PHF3: variants seen among roughly 807,000 people sequenced by gnomAD.
PHF3 encodes PHD finger protein 3.
In PHF3, 41 loss-of-function variants were observed where a neutral mutation model predicts 178.4. That is an observed-to-expected ratio of 0.23 (90% CI 0.18 to 0.30). The LOEUF is 0.30. Ranked by LOEUF, PHF3 falls within the 10% of genes least tolerant of loss-of-function variation. The pLI is 1.00. For missense variants in PHF3, 2,346 were observed against 2,398.1 expected (o/e 0.98, Z 0.45); for synonymous variants, 842 against 800.5 (o/e 1.05, Z -0.88).
rs1768277356 is a variant in PHF3 at position 63,719,117 on chromosome 6, A to G, written c.*5409A>G. Among the ~76,000 whole-genome samples, 1 of 152,060 alleles carries G rather than the reference A, an allele frequency of 6.6e-6. No homozygotes were observed. The highest frequency in any genetic ancestry group is 6.6e-5 in the Admixed American group (1 of 15,222). On this transcript the variant is annotated 3_prime_UTR_variant, in exon 16 of 16. Transcript: ENST00000262043. ...ACTTCCTAGTATTAATATGAACTGT[A>G]TGTTTGGAAACATTTGTGCCCTGTC...
intron 10 of PHF3, among the ~76,000 whole-genome samples, chr6:63,702,944 C>A (rs1767536887): frequency 6.6e-6 from 1 of 152,166 alleles, no homozygotes; most frequent in Non-Finnish European, 1.5e-5. Context: ...GTGGAGCAAT[C>A]TCGGCTCACT....
intron 1 of PHF3, among the ~76,000 whole-genome samples, chr6:63,639,095 G>T (rs1195418097): frequency 6.6e-6 from 1 of 152,090 alleles, no homozygotes; most frequent in Non-Finnish European, 1.5e-5. Context: ...GACAATTATT[G>T]TCCTGCATAA....
rs150826436 is a variant in PHF3, at chr6:63,672,630, G to A, written c.245-7370G>A. Among the ~76,000 whole-genome samples, 12 of 152,280 alleles carry A rather than the reference G, an allele frequency of 7.9e-5. No individual in the cohort carries two copies. The East Asian group carries it at 1.7e-3, about 22-fold the overall frequency. ...GCTCTGTTTTCCACAGGTATGGTTTGTGGTTACATGATAGGATATCTACTG... is the reference window on the plus strand; with the variant it reads ...GCTCTGTTTTCCACAGGTATGGTTTATGGTTACATGATAGGATATCTACTG... On this transcript the variant is annotated intron_variant, in intron 2 of 15. Transcript: ENST00000262043.
chr6:63,658,146 T>C (rs573310598), intron 2 of PHF3, among the ~76,000 whole-genome samples: 4 of 152,222 alleles, frequency 2.6e-5, no homozygotes, highest in Non-Finnish European at 5.9e-5. Context: ...TCCTTATGTC[T>C]AGCCCAGCTC....
At chr6:63,651,526 T>A (rs1765019549) in intron 2 of PHF3, among the ~76,000 whole-genome samples, 1 of 152,110 alleles carries the variant, frequency 6.6e-6, no homozygotes, top group African/African-American at 2.4e-5. Context: ...CATGCCCAGC[T>A]AGTTTTTGTA....
intron 2 of PHF3, among the ~76,000 whole-genome samples, chr6:63,656,709 C>A (rs1041463585): frequency 6.6e-6 from 1 of 152,114 alleles, no homozygotes; most frequent in East Asian, 1.9e-4. Flanking sequence ...TATTTTTTAT[C>A]TATACCCTCT....
intron 11 of PHF3, 66 bp from the exon 12 acceptor site, chr6:63,705,963 G>A: frequency 7.9e-7 from 1 of 1,270,694 alleles, no homozygotes; most frequent in Non-Finnish European, 1.1e-6. Flanking sequence ...TTTAGAAAGT[G>A]AAAATGGGTT....
At chr6:63,704,684 C>A (rs942756771) in intron 11 of PHF3, among the ~76,000 whole-genome samples, 1 of 151,850 alleles carries the variant, frequency 6.6e-6, no homozygotes, top group Non-Finnish European at 1.5e-5. Flanking sequence ...TTGGCAATTA[C>A]GAATAAAACT....
Position 63,720,998 on chromosome 6 carries a change from A to G in PHF3, c.*7290A>G. 6.4e-7 allele frequency: 1 copy of G among 1,551,304 alleles called. No homozygotes were observed. Among genetic ancestry groups the G allele is most frequent in the Non-Finnish European group, 8.7e-7 (1 of 1,146,756 alleles). ...TTTTCAAGGTCTGATTATGGAGACC[A>G]ATTGCCAGAAAATCATTTTCTTCAT... On this transcript the variant is annotated 3_prime_UTR_variant, in exon 16 of 16. Coordinates refer to ENST00000262043, the MANE Select transcript of PHF3 (RefSeq NM_001370348.2).
chr6:63,709,142 TAACC>T lies in PHF3; in HGVS notation c.3712-7_3712-4del. ...TATATTGATCTCTTTTTTTTTTTTT[TAACC>T]ATAGGACCTACCAGATAGTATTCAA... is the stretch of plus-strand genomic sequence containing the variant. On this transcript the variant is annotated splice_region_variant and splice_polypyrimidine_tract_variant and intron_variant, in intron 13 of 15. Transcript: ENST00000262043. The T allele has an allele frequency of 7.0e-7, 1 of 1,433,358 alleles. No individual in the cohort carries two copies. The highest frequency in any genetic ancestry group is 9.5e-7 in the Non-Finnish European group (1 of 1,052,026). 88.8% of individuals were successfully genotyped at this position (1,433,358 alleles called of 1,614,324 possible).
chr6:63,700,308 A>G (rs1410761616), intron 8 of PHF3, 42 bp from the exon 9 acceptor site: 2 of 919,420 alleles, frequency 2.2e-6, no homozygotes, highest in Non-Finnish European at 1.7e-6. Context: ...GCCACTCAAA[A>G]TGTTTGTCTC....
intron 2 of PHF3, among the ~76,000 whole-genome samples, chr6:63,654,630 A>G (rs920545054): frequency 6.6e-6 from 1 of 152,218 alleles, no homozygotes; most frequent in Non-Finnish European, 1.5e-5. Flanking sequence ...AGTAGCTGCC[A>G]TAGATATTTG....
At chr6:63,694,832 G>A (rs1767166080) in intron 6 of PHF3, 68 bp downstream of exon 6, 2 of 913,408 alleles carry the variant, frequency 2.2e-6, no homozygotes, top group East Asian at 7.1e-5. Context: ...CAATTAATTA[G>A]TATACTTAGG....
At chr6:63,690,697 CAT>C (rs1406352533) in intron 4 of PHF3, among the ~76,000 whole-genome samples, 1 of 152,066 alleles carries the variant, frequency 6.6e-6, no homozygotes, top group Non-Finnish European at 1.5e-5. Flanking sequence ...TCAGCTGTAT[CAT>C]AAATTGCTAG....
intron 6 of PHF3, among the ~76,000 whole-genome samples, chr6:63,697,895 A>C (rs2149597824): frequency 6.6e-6 from 1 of 152,340 alleles, no homozygotes; most frequent in South Asian, 2.1e-4. Flanking sequence ...GAAGAGATTC[A>C]TCAATTTTGT....
intron 1 of PHF3, among the ~76,000 whole-genome samples, chr6:63,638,702 G>A (rs985463184): frequency 5.3e-5 from 8 of 151,882 alleles, no homozygotes; most frequent in Non-Finnish European, 1.2e-4. Context: ...TTTCTTTTCT[G>A]GAAAAGTACA....
In PHF3 at chr6:63,725,375, C is replaced by T. The variant is rs555526223; in HGVS notation, c.*11667C>T. Among the ~76,000 whole-genome samples the T allele has an allele frequency of 6.6e-6, 1 of 152,038 alleles. No individual in the cohort carries two copies. The highest frequency in any genetic ancestry group is 1.5e-5 in the Non-Finnish European group (1 of 67,954). Reference sequence around the variant, plus strand: ...TTATAAAACTGTAGTACAATATTCCCAGCCAGTCACAATCCTGAATATACC... The same window carrying T: ...TTATAAAACTGTAGTACAATATTCCTAGCCAGTCACAATCCTGAATATACC... On this transcript the variant is annotated 3_prime_UTR_variant, in exon 16 of 16. Transcript: ENST00000262043.
At chr6:63,681,601 GT>G (rs1472844699) in intron 3 of PHF3, among the ~76,000 whole-genome samples, 2 of 151,802 alleles carry the variant, frequency 1.3e-5, no homozygotes, top group African/African-American at 2.4e-5. Flanking sequence ...TTTTGTTGTT[GT>G]TTTGAGAATG....
At chr6:63,642,569 A>G (rs1168545772) in intron 1 of PHF3, among the ~76,000 whole-genome samples, 1 of 152,220 alleles carries the variant, frequency 6.6e-6, no homozygotes, top group African/African-American at 2.4e-5. Context: ...GAATTTACCC[A>G]GAAACAATTT....
Sources: allele counts gnomAD v4.1 joint callset (sites outside exome capture counted in the v4.1 genomes callset), GRCh38; gene constraint gnomAD v4.1.1; transcripts MANE v1.5; gene names NCBI Gene and HGNC (gene_info 2026-07-23, HGNC 2026-07-21).